ADCY9: variants seen among roughly 807,000 people sequenced by gnomAD.
ADCY9 encodes adenylate cyclase type 9.
In ADCY9, 50 loss-of-function variants were observed where a neutral mutation model predicts 101.5. The observed-to-expected ratio is 0.49, with a 90% confidence interval of 0.39 to 0.62. The LOEUF (loss-of-function observed/expected upper bound fraction) is 0.62, where lower values mean the gene tolerates loss of function less well. Ranked by LOEUF, ADCY9 falls within the 20% of genes least tolerant of loss-of-function variation. The pLI is 0.00. For missense variants in ADCY9, 1,662 were observed against 1,800.4 expected (o/e 0.92, Z 1.39); for synonymous variants, 905 against 769.3 (o/e 1.18, Z -2.92).
intron 2 of ADCY9, among the ~76,000 whole-genome samples, chr16:4,101,646 C>A (rs2057044080): frequency 6.6e-6 from 1 of 152,152 alleles, no homozygotes; most frequent in Admixed American, 6.5e-5. Context: ...CAGGGGCCAC[C>A]CCTCTATCTC....
intron 2 of ADCY9, among the ~76,000 whole-genome samples, chr16:4,108,390 T>TTTA (rs1491411801): frequency 4.9e-5 from 6 of 123,672 alleles, no homozygotes; most frequent in African/African-American, 2.0e-4. Flanking sequence ...TTTTTTTTTT[T>TTTA]GGCGACAAAG....
intron 3 of ADCY9, among the ~76,000 whole-genome samples, chr16:3,998,419 A>G (rs1306011167): frequency 6.6e-6 from 1 of 151,782 alleles, no homozygotes; most frequent in Non-Finnish European, 1.5e-5. Context: ...TCTTTAAAAA[A>G]GAAAAAAGAA....
intron 6 of ADCY9, 106 bp downstream of exon 6, chr16:3,988,888 G>A (rs868484502): frequency 8.4e-6 from 7 of 837,930 alleles, no homozygotes; most frequent in Middle Eastern, 2.3e-4. Flanking sequence ...ATCAATGTTC[G>A]CCTTCGTGTT....
In ADCY9 at chr16:4,110,376, C is replaced by CTTTTT. The variant is rs1170090126; in HGVS notation, c.1693+3369_1693+3373dup. Among the ~76,000 whole-genome samples, 418 of 110,752 alleles carry CTTTTT rather than the reference C, an allele frequency of 3.8e-3. 73 individuals are homozygous for CTTTTT. Among genetic ancestry groups the CTTTTT allele is most frequent in the East Asian group, 7.5e-3 (29 of 3,866 alleles). The allele number at this position is 110,752 out of a possible 152,430, so 72.7% of individuals were successfully genotyped here. A position where few individuals can be genotyped will look rare whatever the true frequency, so the allele number is the denominator to read the frequency against. On this transcript the variant is annotated intron_variant, in intron 2 of 10. Coordinates refer to ENST00000294016, the MANE Select transcript of ADCY9 (RefSeq NM_001116.4). ...AGTTTTGCAATCATACTTATACCTACTTTTTTTTTTTTTTTTTTTTTTTTT... is the reference window on the plus strand; with the variant it reads ...AGTTTTGCAATCATACTTATACCTACTTTTTTTTTTTTTTTTTTTTTTTTTTTTTT...
chr16:3,983,486 G>T, intron 6 of ADCY9, 46 bp from the exon 7 acceptor site: 1 of 1,503,006 alleles, frequency 6.7e-7, no homozygotes, highest in South Asian at 1.2e-5. Flanking sequence ...GGCCATGGGC[G>T]GCCAGGAGCG....
At chr16:3,954,849 A>G (rs529659816) in intron 5 of ADCY9, among the ~76,000 whole-genome samples, 1 of 152,286 alleles carries the variant, frequency 6.6e-6, no homozygotes, top group Non-Finnish European at 1.5e-5. Flanking sequence ...GAACACAGCC[A>G]ACTCTTTTGG....
chr16:4,066,865 C>G (rs2056804062), intron 2 of ADCY9, among the ~76,000 whole-genome samples: 1 of 152,172 alleles, frequency 6.6e-6, no homozygotes, highest in African/African-American at 2.4e-5. Context: ...TAAACATAAC[C>G]TGGTTCATCC....
At chr16:3,954,284 T>C (rs938415613) in intron 5 of ADCY9, among the ~76,000 whole-genome samples, 1 of 152,194 alleles carries the variant, frequency 6.6e-6, no homozygotes, top group African/African-American at 2.4e-5. Flanking sequence ...ACATCCACTC[T>C]TCTGGGCATT....
rs147624348 is a variant in ADCY9 at position 4,051,353 on chromosome 16, G to A, written c.1694-43795C>T. Among the ~76,000 whole-genome samples, 180 of 150,328 alleles carry A rather than the reference G, an allele frequency of 1.2e-3. 2 individuals are homozygous for A. The South Asian group carries it at 0.018, about 15-fold the overall frequency. ...ATCCTGGTTAACACAGTGAAACCCCGTCTCTACTAAAAATACAAAAATTAG... is the reference window on the plus strand; with the variant it reads ...ATCCTGGTTAACACAGTGAAACCCCATCTCTACTAAAAATACAAAAATTAG... On this transcript the variant is annotated intron_variant, in intron 2 of 10. Coordinates refer to ENST00000294016, the MANE Select transcript of ADCY9 (RefSeq NM_001116.4).
At position 4,115,049 on chromosome 16, in the gene ADCY9, T is replaced by G; in HGVS notation, c.394A>C (p.Ile132Leu). ...GATCTCATGTGGACCGCAAAATAGA[T>G]GCTCCACAGAAGGCAGGCGAAGCCG... The part of the protein sequence containing the change: ...YIGFACLLWS[I>L]YFAVHMRSRL... Residue 132 changes from isoleucine to leucine, a missense_variant, in exon 2 of 11, where the codon ATC becomes CTC. Ile to Leu is a conservative substitution (Grantham distance 5, BLOSUM62 2). Coordinates refer to ENST00000294016, the MANE Select transcript of ADCY9 (RefSeq NM_001116.4). This position sits in a 1 kb window ranked among gnomAD's most constrained non-coding sequence, Gnocchi z 6.2. 6.2e-7 allele frequency: 1 copy of G among 1,614,034 alleles called. No homozygotes were observed. The highest frequency in any genetic ancestry group is 8.5e-7 in the Non-Finnish European group (1 of 1,180,026).
At chr16:4,049,929 G>T (rs2056689902) in intron 2 of ADCY9, among the ~76,000 whole-genome samples, 1 of 152,042 alleles carries the variant, frequency 6.6e-6, no homozygotes. Flanking sequence ...TACTCAGGAA[G>T]CTAGGGTGGG....
intron 2 of ADCY9, among the ~76,000 whole-genome samples, chr16:4,064,680 T>C (rs1395373613): frequency 2.6e-5 from 4 of 152,006 alleles, no homozygotes; most frequent in Non-Finnish European, 4.4e-5. Context: ...GGTCTCACCA[T>C]GTTGCCCAGG....
intron 2 of ADCY9, among the ~76,000 whole-genome samples, chr16:4,094,594 C>T (rs745609314): frequency 6.6e-6 from 1 of 151,024 alleles, no homozygotes; most frequent in African/African-American, 2.4e-5. Flanking sequence ...GACGATCGCT[C>T]GAGGCCCCGC....
chr16:4,071,369 A>G (rs1387387520), intron 2 of ADCY9, among the ~76,000 whole-genome samples: 2 of 150,138 alleles, frequency 1.3e-5, no homozygotes, highest in African/African-American at 4.9e-5. Flanking sequence ...AAAAAATCAA[A>G]AAAGTTGAAA....
intron 2 of ADCY9, among the ~76,000 whole-genome samples, chr16:4,079,029 G>A (rs1024285870): frequency 2.0e-5 from 3 of 152,040 alleles, no homozygotes; most frequent in Admixed American, 6.6e-5. Flanking sequence ...CAATGATGAT[G>A]TTTCATTACT....
At chr16:3,996,791 G>C (rs182418461) in intron 3 of ADCY9, among the ~76,000 whole-genome samples, 11 of 152,186 alleles carry the variant, frequency 7.2e-5, no homozygotes, top group Non-Finnish European at 1.3e-4. Context: ...TTAGTCACAG[G>C]AATCTCCTGG....
chr16:3,973,050 T>A (rs1294125391), intron 10 of ADCY9, among the ~76,000 whole-genome samples: 2 of 152,224 alleles, frequency 1.3e-5, no homozygotes, highest in Middle Eastern at 3.2e-3. Flanking sequence ...TATAAATACC[T>A]AGTTGTACCT....
rs1178181929 is a variant in ADCY9 at position 4,116,019 on chromosome 16, G to GGCCCGC, written c.-374_-373insGCGGGC. The GGCCCGC allele has an allele frequency of 1.4e-3, 222 of 158,804 alleles. No homozygotes were observed. Among genetic ancestry groups the GGCCCGC allele is most frequent in the Non-Finnish European group, 1.9e-3 (144 of 74,052 alleles). The allele number at this position is 158,804 out of a possible 1,614,324, so 9.8% of individuals were successfully genotyped here. ...GCAGCGAGCTTCGGCGGGCGCCCCC[G>GGCCCGC]GCTCGCGCTCCCCGGCCGCCCCCCG... On this transcript the variant is annotated 5_prime_UTR_variant, in exon 1 of 11. Coordinates refer to ENST00000294016, the MANE Select transcript of ADCY9 (RefSeq NM_001116.4).
intron 3 of ADCY9, among the ~76,000 whole-genome samples, chr16:4,004,511 G>T (rs2056353913): frequency 6.6e-6 from 1 of 152,234 alleles, no homozygotes; most frequent in Non-Finnish European, 1.5e-5. Context: ...ACACAGTTCT[G>T]CTCGGGCTTC....
Sources: allele counts gnomAD v4.1 joint callset (sites outside exome capture counted in the v4.1 genomes callset), GRCh38; gene constraint gnomAD v4.1.1; non-coding constraint Gnocchi (gnomAD v3.1); transcripts MANE v1.5; gene names NCBI Gene and HGNC (gene_info 2026-07-23, HGNC 2026-07-21).